Variants in STAG1 observed in about 807,000 individuals in gnomAD.
STAG1 encodes cohesin subunit SA-1.
STAG1 carries 26 observed loss-of-function variants against 170.9 expected under a neutral mutation model. The observed-to-expected ratio is 0.15, with a 90% CI of 0.11 to 0.21. The LOEUF is 0.21. Among genes scored for constraint, STAG1 ranks in the 10% least tolerant of loss-of-function variants. The pLI is 1.00. For missense variants in STAG1, 964 were observed against 1,509.5 expected, an observed-to-expected ratio of 0.64 and a Z score of 5.99; for synonymous variants, 514 against 497.7, an observed-to-expected ratio of 1.03 and a Z score of -0.44.
At chr3:136,527,457 G>T (rs531774476) in intron 6 of STAG1, among the ~76,000 whole-genome samples, 26 of 152,166 alleles carry the variant, frequency 1.7e-4, no homozygotes, top group African/African-American at 6.0e-4. Context: ...ACCATTTAAG[G>T]ACTTCTCTAC....
chr3:136,479,398 G>C (rs1187876268), intron 9 of STAG1, among the ~76,000 whole-genome samples: 1 of 122,294 alleles, frequency 8.2e-6, no homozygotes, highest in African/African-American at 3.0e-5. Context: ...CCCTACAAAG[G>C]ACATGAACTC....
intron 16 of STAG1, among the ~76,000 whole-genome samples, chr3:136,426,176 G>A (rs919152280): frequency 6.6e-6 from 1 of 151,884 alleles, no homozygotes; most frequent in Non-Finnish European, 1.5e-5. Flanking sequence ...GGGAGGCCGA[G>A]GCGGGCAGAT....
chr3:136,528,220 G>C (rs1291886296), intron 6 of STAG1, among the ~76,000 whole-genome samples: 1 of 152,144 alleles, frequency 6.6e-6, no homozygotes, highest in Non-Finnish European at 1.5e-5. Flanking sequence ...TTGAGCTGTG[G>C]TGGGCTCTAC....
chr3:136,602,662 C>T (rs1231323079), intron 4 of STAG1, among the ~76,000 whole-genome samples: 1 of 151,836 alleles, frequency 6.6e-6, no homozygotes, highest in African/African-American at 2.4e-5. Context: ...ACCAGCCTGG[C>T]CAATATGGTG....
At chr3:136,364,787 G>A (rs1488546654) in intron 25 of STAG1, among the ~76,000 whole-genome samples, 1 of 152,174 alleles carries the variant, frequency 6.6e-6, no homozygotes, top group Admixed American at 6.5e-5. Context: ...AAAGTCTACA[G>A]CCTATGTGAA....
At chr3:136,567,061 C>A (rs1937102252) in intron 5 of STAG1, among the ~76,000 whole-genome samples, 1 of 152,158 alleles carries the variant, frequency 6.6e-6, no homozygotes, top group Non-Finnish European at 1.5e-5. Flanking sequence ...TAGTTAAGAG[C>A]AGTTAACTAT....
chr3:136,396,930 C>T (rs2087180684), intron 22 of STAG1, among the ~76,000 whole-genome samples: 2 of 152,086 alleles, frequency 1.3e-5, no homozygotes, highest in Admixed American at 1.3e-4. Flanking sequence ...AAGAGGCTAA[C>T]CAATATATTA....
intron 6 of STAG1, among the ~76,000 whole-genome samples, chr3:136,538,424 T>C (rs1051312307): frequency 6.6e-6 from 1 of 151,272 alleles, no homozygotes; most frequent in African/African-American, 2.4e-5. Flanking sequence ...TTTTTTTTTT[T>C]TTTCTTTTTT....
chr3:136,703,292 C>T (rs1450119605), intron 1 of STAG1, among the ~76,000 whole-genome samples: 1 of 152,162 alleles, frequency 6.6e-6, no homozygotes, highest in Admixed American at 6.5e-5. Flanking sequence ...TTTCTATATT[C>T]CATGTAGCAG....
intron 3 of STAG1, among the ~76,000 whole-genome samples, chr3:136,622,135 TA>T (rs75542452): frequency 0.18 from 17,168 of 92,842 alleles, 1,174 homozygotes; most frequent in Middle Eastern, 0.27. Context: ...CCATCTCTAC[TA>T]AAAAAAAAAA....
At chr3:136,371,567 T>TGAAA (rs1348223240) in intron 23 of STAG1, among the ~76,000 whole-genome samples, 3 of 152,252 alleles carry the variant, frequency 2.0e-5, no homozygotes, top group African/African-American at 7.2e-5. Flanking sequence ...TTCAGCTTTC[T>TGAAA]ACATATGGCT....
At chr3:136,685,244 A>G (rs1023937191) in intron 1 of STAG1, among the ~76,000 whole-genome samples, 2 of 152,194 alleles carry the variant, frequency 1.3e-5, no homozygotes, top group Non-Finnish European at 2.9e-5. Flanking sequence ...TGAACCCGGG[A>G]GGCAGAGGTT....
chr3:136,492,881 A>T (rs2090148653), intron 9 of STAG1, among the ~76,000 whole-genome samples: 1 of 152,222 alleles, frequency 6.6e-6, no homozygotes, highest in South Asian at 2.1e-4. Context: ...AATGCTGTAC[A>T]GGTGGGTTAG....
intron 6 of STAG1, among the ~76,000 whole-genome samples, chr3:136,526,892 C>A (rs994499161): frequency 6.6e-6 from 1 of 152,156 alleles, no homozygotes; most frequent in African/African-American, 2.4e-5. Flanking sequence ...GTTGAAAATT[C>A]TTTTCTTTAA....
At chr3:136,454,716 A>C (rs2089055958) in intron 13 of STAG1, among the ~76,000 whole-genome samples, 1 of 152,230 alleles carries the variant, frequency 6.6e-6, no homozygotes, top group Non-Finnish European at 1.5e-5. Flanking sequence ...TTGCATATAA[A>C]TAAGGTATTG....
In STAG1 at chr3:136,721,328, T is replaced by G. The variant is rs558320271; in HGVS notation, c.-84+30867A>C. The G allele has an allele frequency of 2.0e-5, 3 of 152,342 alleles. No individual in the cohort carries two copies. In the South Asian group the frequency reaches 6.2e-4, roughly 32 times the overall value. The allele number at this position is 152,342 out of a possible 1,614,324, so 9.4% of individuals were successfully genotyped here. A position where few individuals can be genotyped will look rare whatever the true frequency, so the allele number is the denominator to read the frequency against. On this transcript the variant is annotated intron_variant, in intron 1 of 33. Coordinates refer to ENST00000383202, the MANE Select transcript of STAG1 (RefSeq NM_005862.3). Reference sequence around the variant, plus strand: ...AGAATCAAATAGTTCAATTTGGAACTAAGTAAATCATTTTAATTTTATATG... The same window carrying G: ...AGAATCAAATAGTTCAATTTGGAACGAAGTAAATCATTTTAATTTTATATG...
chr3:136,587,124 C>T (rs933728087), intron 4 of STAG1, among the ~76,000 whole-genome samples: 1 of 151,524 alleles, frequency 6.6e-6, no homozygotes, highest in African/African-American at 2.4e-5. Context: ...ATTTAAGACA[C>T]GTTAAAATAC....
At chr3:136,748,990 T>C (rs1935091324) in intron 1 of STAG1, among the ~76,000 whole-genome samples, 1 of 152,182 alleles carries the variant, frequency 6.6e-6, no homozygotes, top group African/African-American at 2.4e-5. Flanking sequence ...CCTCTCCTTG[T>C]ATGTCCGGAA....
At chr3:136,611,940 T>G (rs1308217792) in intron 3 of STAG1, among the ~76,000 whole-genome samples, 1 of 151,762 alleles carries the variant, frequency 6.6e-6, no homozygotes, top group Non-Finnish European at 1.5e-5. Context: ...CTCCGCCTCC[T>G]GGGTTCACGC....
Sources: allele counts gnomAD v4.1 joint callset (sites outside exome capture counted in the v4.1 genomes callset), GRCh38; gene constraint gnomAD v4.1.1; transcripts MANE v1.5; gene names NCBI Gene and HGNC (gene_info 2026-07-23, HGNC 2026-07-21).